The following PKD1 variants were observed in gnomAD, a reference collection of about 807,000 sequenced individuals.
PKD1 encodes the protein polycystin-1.
PKD1 carries 81 observed loss-of-function variants against 361.7 expected under a neutral mutation model. That is an observed-to-expected ratio of 0.22 (90% CI 0.19 to 0.27). The LOEUF (loss-of-function observed/expected upper bound fraction) is 0.27. Ranked by LOEUF, PKD1 falls within the 10% of genes least tolerant of loss-of-function variation. PKD1 has a pLI of 1.00. For missense variants in PKD1, 6,399 were observed against 6,118.3 expected, an observed-to-expected ratio of 1.05 and a Z score of -1.53; for synonymous variants, 3,615 against 2,818.3, an observed-to-expected ratio of 1.28 and a Z score of -8.95.
chr16:2,091,242 CGCTGCCGGGGCGGGGCCCT>C (rs2091522404), intron 42 of PKD1, 68 bp from the exon 43 acceptor site: 1 of 676,728 alleles, frequency 1.5e-6, no homozygotes, highest in Non-Finnish European at 2.0e-6. Flanking sequence ...GGGGGCGGGA[CGCTGCCGGGGCGGGGCCCT>C]ACGAGGGGGC....
chr16:2,088,768 C>G lies in PKD1; in HGVS notation c.*959G>C. On this transcript the variant is annotated 3_prime_UTR_variant, in exon 46 of 46. Transcript: ENST00000262304. ...CTTGGTGCGGGGGTTGGGGGGGTGT[C>G]GAGGCTCTAGAAGCGGCCATGCCCA... The G allele has an allele frequency of 4.7e-6, 5 of 1,069,416 alleles. 1 individual carries two copies. The South Asian group carries it at 4.8e-5, about 10-fold the overall frequency. The allele number at this position is 1,069,416 out of a possible 1,614,324, so 66.2% of individuals were successfully genotyped here. A position where few individuals can be genotyped will look rare whatever the true frequency, so the allele number is the denominator to read the frequency against.
chr16:2,105,556 G>A, intron 20 of PKD1, 82 bp from the exon 21 acceptor site: 1 of 1,594,696 alleles, frequency 6.3e-7, no homozygotes, highest in Non-Finnish European at 8.5e-7. Flanking sequence ...GACTCCCGGG[G>A]TGCAGTTACG....
At chr16:2,107,684 C>T (rs2092391274) in intron 16 of PKD1, 199 bp downstream of exon 16, 2 of 649,218 alleles carry the variant, frequency 3.1e-6, no homozygotes, top group South Asian at 1.7e-5. Flanking sequence ...GCATATGTGG[C>T]TTGAAGACTG....
chr16:2,103,202 G>A (rs1277127529), intron 23 of PKD1, 64 bp downstream of exon 23: 81 of 1,529,520 alleles, frequency 5.3e-5, no homozygotes, highest in Middle Eastern at 4.6e-4. Context: ...GAAGCCCTAC[G>A]AGAAACGCCT....
chr16:2,125,301 G>A (rs2092782432), intron 1 of PKD1, among the ~76,000 whole-genome samples: 1 of 152,180 alleles, frequency 6.6e-6, no homozygotes. Context: ...CCACAACCCT[G>A]GCCCCACGAG....
chr16:2,107,849 C>T, intron 16 of PKD1, 34 bp downstream of exon 16: 3 of 1,538,048 alleles, frequency 2.0e-6, no homozygotes, highest in Non-Finnish European at 2.6e-6. Context: ...CTGGGCTGTC[C>T]AAGGCAAGTG....
chr16:2,091,178 T>C lies in PKD1; in HGVS notation c.11713-4A>G, dbSNP rs755190615. On this transcript the variant is annotated splice_polypyrimidine_tract_variant and splice_region_variant and intron_variant, in intron 42 of 45. Transcript: ENST00000262304. ...CGGCGAACAGCAGCAGGCACACCTG[T>C]GGGGGGCGCGGTCAGGAGGGCGGGA... The C allele has an allele frequency of 1.3e-5, 16 of 1,266,142 alleles. No individual in the cohort carries two copies. In the Admixed American group the frequency reaches 3.0e-4, roughly 24 times the overall value. The allele number at this position is 1,266,142 out of a possible 1,614,324, so 78.4% of individuals were successfully genotyped here. A position where few individuals can be genotyped will look rare whatever the true frequency, so the allele number is the denominator to read the frequency against.
At chr16:2,107,417 G>C (rs2092379346) in intron 16 of PKD1, 1 of 360,232 alleles carries the variant, frequency 2.8e-6, no homozygotes, top group Non-Finnish European at 5.3e-6. Context: ...GCCAGCTGAG[G>C]AAAGCAGGGA....
chr16:2,120,044 T>A, intron 1 of PKD1: 1 of 589,768 alleles, frequency 1.7e-6, no homozygotes, highest in Non-Finnish European at 3.0e-6. Flanking sequence ...AGACCCCGTA[T>A]CTACAAAAAA....
chr16:2,096,174 T>G lies in PKD1; in HGVS notation c.10499+974A>C, dbSNP rs553304388. 2.6e-5 allele frequency among the ~76,000 whole-genome samples: 4 copies of G among 152,388 alleles called. No homozygotes were observed. In the South Asian group the frequency reaches 8.3e-4, roughly 32 times the overall value. On this transcript the variant is annotated intron_variant, in intron 34 of 45. Coordinates refer to ENST00000262304, the MANE Select transcript of PKD1 (RefSeq NM_001009944.3). ...GAAATGCGTCATTAGGTAATTCTGT[T>G]GCTGTGCAAATGTCACAGGGCGTAG...
Position 2,111,063 on chromosome 16 carries a change from C to G in PKD1, c.4104G>C (p.Ala1368=). 1.9e-6 allele frequency: 3 copies of G among 1,610,654 alleles called. No individual in the cohort carries two copies. Among genetic ancestry groups the G allele is most frequent in the Non-Finnish European group, 2.5e-6 (3 of 1,179,786 alleles). Reference sequence around the variant, plus strand: ...CCACGCAGATGCTGGTGAAGTAATGCGCCCTGTTCACGCGGCTGGACAGCA... The same window carrying G: ...CCACGCAGATGCTGGTGAAGTAATGGGCCCTGTTCACGCGGCTGGACAGCA... ...ALVLSSRVNR[A]HYFTSICVEP... Residue 1368 remains alanine (A), a synonymous_variant, in exon 15 of 46, where the codon GCG becomes GCC. Transcript: ENST00000262304.
chr16:2,103,464 G>A lies in PKD1; in HGVS notation c.8593C>T (p.Arg2865Trp), dbSNP rs370251642. 2.2e-4 allele frequency: 350 copies of A among 1,600,062 alleles called. No individual in the cohort carries two copies. The highest frequency in any genetic ancestry group is 2.8e-4 in the Non-Finnish European group (330 of 1,179,548). The change falls in exon 23 of 46, where the codon CGG (arginine) becomes TGG (tryptophan). Residue 2865 changes from arginine to tryptophan, a missense_variant. Arg to Trp is a moderately radical substitution (Grantham distance 101, BLOSUM62 -3). Transcript: ENST00000262304. ...GTGATGGCGCGCTCTGAGGCCAGCCGCTCGATGGGGATCTGGGCGCCGGCC... is the reference window on the plus strand; with the variant it reads ...GTGATGGCGCGCTCTGAGGCCAGCCACTCGATGGGGATCTGGGCGCCGGCC... ...TQAGAQIPIE[R>W]LASERAITVK... is the part of the protein sequence containing the mutation.
chr16:2,096,608 C>G (rs1032483096), intron 34 of PKD1, among the ~76,000 whole-genome samples: 2 of 152,170 alleles, frequency 1.3e-5, no homozygotes, highest in Non-Finnish European at 2.9e-5. Flanking sequence ...CTTCACCTAC[C>G]AGGTTCAATC....
Position 2,106,466 on chromosome 16 carries a change from C to T in PKD1, c.7421G>A (p.Gly2474Asp), listed in dbSNP as rs2092340132. ...RLSPNRPPLG[G>D]SCRLFPLGAV... ...GCCCAGTGGGAAGAGGCGGCAAGAG[C>T]CCCCCAGCGGCGGGCGGTTGGGGGA... is the stretch of plus-strand genomic sequence containing the variant. The change falls in exon 18 of 46, where the codon GGC becomes GAC. Residue 2474 changes from glycine to aspartate, a missense_variant. Gly to Asp is a moderately conservative substitution (Grantham distance 94, BLOSUM62 -1). Transcript: ENST00000262304. This position sits in a 1 kb window ranked among gnomAD's most constrained non-coding sequence, Gnocchi z 6.5. 1 of 1,589,670 alleles carries T rather than the reference C, an allele frequency of 6.3e-7. No individual in the cohort carries two copies. Among genetic ancestry groups the T allele is most frequent in the Non-Finnish European group, 8.5e-7 (1 of 1,174,388 alleles).
intron 1 of PKD1, among the ~76,000 whole-genome samples, chr16:2,122,710 C>T (rs1421027241): frequency 1.3e-5 from 2 of 152,194 alleles, no homozygotes; most frequent in Non-Finnish European, 2.9e-5. Flanking sequence ...GACTTTCCAG[C>T]GGCTGCGGCG....
chr16:2,115,622 G>T lies in PKD1; in HGVS notation c.1853C>A (p.Thr618Asn), dbSNP rs575176787. The T allele has an allele frequency of 2.2e-5, 36 of 1,600,472 alleles. No individual in the cohort carries two copies. The highest frequency in any genetic ancestry group is 3.0e-5 in the Non-Finnish European group (35 of 1,176,940). ...CTCAGGCTCGCTGCCGTTCTCCGGG[G>T]TCCCTGTGAGGAGGGGAGGGTGTTG... The part of the protein sequence containing the change: ...QVYRLLSTAG[T>N]PENGSEPESR... Residue 618 changes from threonine to asparagine, a missense_variant, in exon 10 of 46, where the codon ACC (threonine) becomes AAC (asparagine). Transcript: ENST00000262304.
chr16:2,105,463 G>A lies in PKD1; in HGVS notation c.7875C>T (p.Ala2625=), dbSNP rs1394143456. ...GCTTGGGCTCTGCCGCCACGTCCAG[G>A]GCCCGCTCGTACTGGGGCAGGCAGG... ...LVTVLNEYER[A]LDVAAEPKHE... Residue 2625 remains alanine (A), a synonymous_variant, in exon 21 of 46, where the codon GCC becomes GCT. Transcript: ENST00000262304. The A allele has an allele frequency of 7.5e-6, 12 of 1,594,500 alleles. No individual in the cohort carries two copies. In the Admixed American group the frequency reaches 1.5e-4, roughly 20 times the overall value.
chr16:2,096,079 C>T (rs2091833645), intron 34 of PKD1, among the ~76,000 whole-genome samples: 1 of 152,246 alleles, frequency 6.6e-6, no homozygotes, highest in East Asian at 1.9e-4. Flanking sequence ...AGGAATAACA[C>T]ACAAATCAAA....
Position 2,089,582 on chromosome 16 carries a change from C to T in PKD1, c.*145G>A, listed in dbSNP as rs919377188. The T allele has an allele frequency of 4.8e-6, 5 of 1,043,650 alleles. No individual in the cohort carries two copies. In the African/African-American group the frequency reaches 6.3e-5, roughly 13 times the overall value. The allele number at this position is 1,043,650 out of a possible 1,614,324, so 64.6% of individuals were successfully genotyped here. A position where few individuals can be genotyped will look rare whatever the true frequency, so the allele number is the denominator to read the frequency against. On this transcript the variant is annotated 3_prime_UTR_variant, in exon 46 of 46. Coordinates refer to ENST00000262304, the MANE Select transcript of PKD1 (RefSeq NM_001009944.3). Reference sequence around the variant, plus strand: ...CACAGCCTCTTTAAAGTGCTGAAGCCCACAGACAGACAGATGCCCCTGCCT... The same window carrying T: ...CACAGCCTCTTTAAAGTGCTGAAGCTCACAGACAGACAGATGCCCCTGCCT...
Sources: allele counts gnomAD v4.1 joint callset (sites outside exome capture counted in the v4.1 genomes callset), GRCh38; gene constraint gnomAD v4.1.1; non-coding constraint Gnocchi (gnomAD v3.1); transcripts MANE v1.5; gene names NCBI Gene and HGNC (gene_info 2026-07-23, HGNC 2026-07-21).